The following ANKS1B variants were observed in gnomAD, a reference collection of about 807,000 sequenced individuals.
The protein encoded by ANKS1B is ankyrin repeat and sterile alpha motif domain-containing protein 1B.
A neutral mutation model predicts 148.3 loss-of-function variants in ANKS1B; 36 were observed. The ratio of observed to expected loss-of-function variants is 0.24; its 90% CI spans 0.19 to 0.32. The LOEUF is 0.32. Among genes scored for constraint, ANKS1B ranks in the 10% least tolerant of loss-of-function variants. ANKS1B has a pLI of 1.00. For synonymous variants in ANKS1B, 542 were observed against 560.8 expected, an observed-to-expected ratio of 0.97 and a Z score of 0.47; for missense variants, 1,157 against 1,542.6, an observed-to-expected ratio of 0.75 and a Z score of 4.19.
At chr12:99,362,263 C>T (rs1016583398) in intron 12 of ANKS1B, among the ~76,000 whole-genome samples, 10 of 151,944 alleles carry the variant, frequency 6.6e-5, no homozygotes, top group African/African-American at 9.7e-5. Flanking sequence ...CAACATTAGA[C>T]GAGTTAAAAT....
chr12:99,414,923 A>G (rs1204511471), intron 11 of ANKS1B, among the ~76,000 whole-genome samples: 1 of 152,172 alleles, frequency 6.6e-6, no homozygotes, highest in Non-Finnish European at 1.5e-5. Context: ...ATGAGTGTGG[A>G]GTTTGTTAGA....
At chr12:98,868,811 G>A (rs1231396085) in intron 17 of ANKS1B, among the ~76,000 whole-genome samples, 1 of 152,206 alleles carries the variant, frequency 6.6e-6, no homozygotes, top group Non-Finnish European at 1.5e-5. Context: ...TCTTTCCTCT[G>A]TTCCTAAAAT....
At chr12:99,463,395 G>C (rs2096022150) in intron 10 of ANKS1B, among the ~76,000 whole-genome samples, 1 of 152,244 alleles carries the variant, frequency 6.6e-6, no homozygotes, top group Non-Finnish European at 1.5e-5. Flanking sequence ...ATTTCCATCT[G>C]AGGTACCGGG....
chr12:99,472,174 T>A (rs1018417708), intron 10 of ANKS1B, among the ~76,000 whole-genome samples: 2 of 152,102 alleles, frequency 1.3e-5, no homozygotes, highest in Admixed American at 1.3e-4. Flanking sequence ...AGAACATATC[T>A]ATGTCTCCTC....
intron 1 of ANKS1B, among the ~76,000 whole-genome samples, chr12:99,964,659 AC>A (rs1304828266): frequency 3.9e-5 from 6 of 152,168 alleles, no homozygotes; most frequent in Admixed American, 2.0e-4. Flanking sequence ...AGAGGGGAAC[AC>A]CCCAGCATGG....
At chr12:99,867,851 A>G (rs1250685141) in intron 1 of ANKS1B, among the ~76,000 whole-genome samples, 1 of 152,234 alleles carries the variant, frequency 6.6e-6, no homozygotes, top group African/African-American at 2.4e-5. Flanking sequence ...GCAGCCTCAC[A>G]AGAACATTGC....
chr12:99,972,711 T>C (rs1437373659), intron 1 of ANKS1B, among the ~76,000 whole-genome samples: 6 of 152,196 alleles, frequency 3.9e-5, no homozygotes, highest in Non-Finnish European at 7.3e-5. Context: ...GCTAAGATAA[T>C]TGATAAAGGT....
chr12:99,876,000 T>C (rs1311817617), intron 1 of ANKS1B, among the ~76,000 whole-genome samples: 2 of 152,156 alleles, frequency 1.3e-5, no homozygotes, highest in African/African-American at 4.8e-5. Context: ...CTTAGGGACT[T>C]TGAAGTTCAT....
intron 17 of ANKS1B, among the ~76,000 whole-genome samples, chr12:99,029,095 A>C (rs955338417): frequency 1.3e-5 from 2 of 152,222 alleles, no homozygotes; most frequent in African/African-American, 4.8e-5. Context: ...AATCAAGCCT[A>C]CTTGCAAAGA....
At chr12:99,839,139 G>A (rs1300631009) in intron 1 of ANKS1B, among the ~76,000 whole-genome samples, 1 of 152,128 alleles carries the variant, frequency 6.6e-6, no homozygotes, top group Non-Finnish European at 1.5e-5. Flanking sequence ...TCCTCAGGGG[G>A]CTGAGGCAGG....
At chr12:99,733,128 G>T (rs1404674842) in intron 8 of ANKS1B, among the ~76,000 whole-genome samples, 1 of 151,960 alleles carries the variant, frequency 6.6e-6, no homozygotes, top group Admixed American at 6.6e-5. Flanking sequence ...TTGGGTCAGG[G>T]TATACTTTCC....
intron 14 of ANKS1B, among the ~76,000 whole-genome samples, chr12:99,197,397 C>T (rs893465048): frequency 3.3e-5 from 5 of 152,154 alleles, no homozygotes; most frequent in Non-Finnish European, 5.9e-5. Flanking sequence ...CTATGCCAAA[C>T]ACTTGGATCT....
downstream of ANKS1B, among the ~76,000 whole-genome samples, chr12:98,743,805 G>T (rs571923496): frequency 2.0e-5 from 3 of 152,128 alleles, no homozygotes; most frequent in Non-Finnish European, 2.9e-5. Flanking sequence ...AGTTTCAGAG[G>T]CCTGTGTATC....
At chr12:99,766,769 A>G (rs1193559739) in intron 8 of ANKS1B, among the ~76,000 whole-genome samples, 5 of 152,182 alleles carry the variant, frequency 3.3e-5, no homozygotes, top group African/African-American at 1.2e-4. Flanking sequence ...ATGCTAAAGA[A>G]TCAGTTATGT....
chr12:99,443,864 A>C, intron 10 of ANKS1B, 55 bp from the exon 11 acceptor site: 1 of 1,530,398 alleles, frequency 6.5e-7, no homozygotes, highest in Non-Finnish European at 8.8e-7. Context: ...ACCTTTTAAG[A>C]CTTGAAATTA....
chr12:99,469,302 A>T (rs1422789273), intron 10 of ANKS1B, among the ~76,000 whole-genome samples: 1 of 58,378 alleles, frequency 1.7e-5, no homozygotes, highest in Non-Finnish European at 3.1e-5. Context: ...GGGTGGGGGG[A>T]GGGGGGAGGG....
At chr12:99,128,043 T>C (rs1345195518) in intron 15 of ANKS1B, among the ~76,000 whole-genome samples, 1 of 152,194 alleles carries the variant, frequency 6.6e-6, no homozygotes, top group East Asian at 1.9e-4. Context: ...GCAAGTTGTT[T>C]AACTTCTTTG....
intron 8 of ANKS1B, among the ~76,000 whole-genome samples, chr12:99,758,541 T>TA (rs11421720): frequency 0.43 from 65,307 of 151,164 alleles, 14,373 homozygotes; most frequent in South Asian, 0.61. Flanking sequence ...ATTTTTCATA[T>TA]TAAAAAAATC....
intron 17 of ANKS1B, among the ~76,000 whole-genome samples, chr12:99,030,249 G>C (rs2099951189): frequency 6.6e-6 from 1 of 152,220 alleles, no homozygotes; most frequent in Non-Finnish European, 1.5e-5. Flanking sequence ...GGCAGAGGCT[G>C]CTTCAGCCTT....
Sources: allele counts gnomAD v4.1 joint callset (sites outside exome capture counted in the v4.1 genomes callset), GRCh38; gene constraint gnomAD v4.1.1; transcripts MANE v1.5; gene names NCBI Gene and HGNC (gene_info 2026-07-23, HGNC 2026-07-21).